C9orf153: variants seen among roughly 807,000 people sequenced by gnomAD.
The protein encoded by C9orf153 is chromosome 9 open reading frame 153.
C9orf153 carries 10 observed loss-of-function variants against 9.0 expected under a neutral mutation model. The ratio of observed to expected loss-of-function variants is 1.11; its 90% CI spans 0.69 to 1.89. C9orf153 has a LOEUF of 1.89. Ranked by LOEUF, C9orf153 falls within the 40% of genes most tolerant of loss-of-function variation. The pLI is 0.00. For synonymous variants in C9orf153, 35 were observed against 37.3 expected (o/e 0.94, Z 0.23); for missense variants, 108 against 111.0 (o/e 0.97, Z 0.12).
rs561417867 is a variant in C9orf153 at position 86,229,725 on chromosome 9, T to C, written c.-26-96A>G. 4 of 683,840 alleles carry C rather than the reference T, an allele frequency of 5.8e-6. No individual in the cohort carries two copies. In the South Asian group the frequency reaches 7.2e-5, roughly 12 times the overall value. 42.4% of individuals were successfully genotyped at this position (683,840 alleles called of 1,614,324 possible). On this transcript the variant is annotated intron_variant, in intron 1 of 3. Transcript: ENST00000339137. ...GAGACTTCTTAAATCTTAATAAATT[T>C]GTGAGTGGGACATTTTGAAAATTTT...
At chr9:86,227,339 AT>A in intron 3 of C9orf153, 1 of 1,517,544 alleles carries the variant, frequency 6.6e-7, no homozygotes. Flanking sequence ...TTATTTATTT[AT>A]TTATTTTTGG....
intron 2 of C9orf153, among the ~76,000 whole-genome samples, chr9:86,229,134 C>A (rs1436040814): frequency 1.3e-5 from 2 of 151,934 alleles, no homozygotes; most frequent in Non-Finnish European, 2.9e-5. Flanking sequence ...TGTGTTAGCA[C>A]TGATAGTCTT....
intron 1 of C9orf153, among the ~76,000 whole-genome samples, chr9:86,235,741 CAAAAAAAAAA>C (rs60165641): frequency 3.2e-4 from 7 of 22,052 alleles, no homozygotes; most frequent in South Asian, 3.8e-3. Context: ...GACTCCATCT[CAAAAAAAAAA>C]AAAAAAAAAA....
rs944440431 is a variant in C9orf153, at chr9:86,240,689, T to G, written c.-26-11060A>C. Among the ~76,000 whole-genome samples, 22 of 136,508 alleles carry G rather than the reference T, an allele frequency of 1.6e-4. 1 individual carries two copies. Among genetic ancestry groups the G allele is most frequent in the Non-Finnish European group, 3.2e-4 (21 of 66,348 alleles). The allele number at this position is 136,508 out of a possible 152,430, so 89.6% of individuals were successfully genotyped here. ...CACCGCAACCGCACTAATTTGCTTT[T>G]CTTTTCTTTTTCTTTTTCTTTTTTT... On this transcript the variant is annotated intron_variant, in intron 1 of 3. Coordinates refer to ENST00000339137, the MANE Select transcript of C9orf153 (RefSeq NM_001276366.4).
intron 1 of C9orf153, among the ~76,000 whole-genome samples, chr9:86,244,663 T>TA (rs1469614974): frequency 6.6e-6 from 1 of 152,222 alleles, no homozygotes; most frequent in East Asian, 1.9e-4. Flanking sequence ...AATGAATACT[T>TA]ATGAAGATCT....
intron 1 of C9orf153, among the ~76,000 whole-genome samples, chr9:86,241,311 G>A (rs1824738634): frequency 6.6e-6 from 1 of 152,096 alleles, no homozygotes; most frequent in Admixed American, 6.5e-5. Context: ...AGAGAACTGG[G>A]GCTGCATGTT....
intron 1 of C9orf153, among the ~76,000 whole-genome samples, chr9:86,242,868 G>A (rs1308083458): frequency 3.3e-5 from 5 of 151,986 alleles, no homozygotes; most frequent in African/African-American, 4.8e-5. Context: ...TAGTAGAGAC[G>A]GGGTTTCACC....
At chr9:86,236,587 C>A (rs1824598235) in intron 1 of C9orf153, among the ~76,000 whole-genome samples, 1 of 149,758 alleles carries the variant, frequency 6.7e-6, no homozygotes, top group South Asian at 2.1e-4. Flanking sequence ...AATAGAGGTG[C>A]TTTCTCAGGA....
chr9:86,244,119 G>A (rs1446347826), intron 1 of C9orf153, among the ~76,000 whole-genome samples: 1 of 152,190 alleles, frequency 6.6e-6, no homozygotes, highest in Non-Finnish European at 1.5e-5. Flanking sequence ...AAAACAGAAT[G>A]AAAAGTATCT....
intron 3 of C9orf153, among the ~76,000 whole-genome samples, chr9:86,222,823 G>A (rs561085605): frequency 2.6e-5 from 4 of 152,266 alleles, no homozygotes; most frequent in African/African-American, 9.6e-5. Context: ...GTCTATTTCT[G>A]GTGGGTGACC....
chr9:86,243,553 C>T lies in C9orf153; in HGVS notation c.-26-13924G>A, dbSNP rs972006646. ...CGATCTCGGCTCACCGCAACCTCTGCCTCCCAGGTTCAAGCGATTCTCCTG... is the reference window on the plus strand; with the variant it reads ...CGATCTCGGCTCACCGCAACCTCTGTCTCCCAGGTTCAAGCGATTCTCCTG... On this transcript the variant is annotated intron_variant, in intron 1 of 3. Transcript: ENST00000339137. Among the ~76,000 whole-genome samples, 6 of 151,654 alleles carry T rather than the reference C, an allele frequency of 4.0e-5. No individual in the cohort carries two copies. In the East Asian group the frequency reaches 1.2e-3, roughly 29 times the overall value.
chr9:86,233,046 C>T (rs1284235890), intron 1 of C9orf153, among the ~76,000 whole-genome samples: 1 of 152,090 alleles, frequency 6.6e-6, no homozygotes, highest in East Asian at 1.9e-4. Flanking sequence ...CCTCATAACT[C>T]TTGTGGAATA....
intron 1 of C9orf153, among the ~76,000 whole-genome samples, chr9:86,248,134 G>GTTTGTT (rs1165817072): frequency 1.3e-5 from 2 of 151,916 alleles, no homozygotes; most frequent in Non-Finnish European, 2.9e-5. Flanking sequence ...TTTTGTTTTT[G>GTTTGTT]TTTGTTTTTG....
At chr9:86,257,871 G>C (rs181847198) in intron 1 of C9orf153, among the ~76,000 whole-genome samples, 2 of 152,158 alleles carry the variant, frequency 1.3e-5, no homozygotes, top group African/African-American at 4.8e-5. Flanking sequence ...ACAGTGTCCT[G>C]TCACGATGGC....
At chr9:86,253,061 A>G (rs1273520939) in intron 1 of C9orf153, among the ~76,000 whole-genome samples, 2 of 152,028 alleles carry the variant, frequency 1.3e-5, no homozygotes, top group African/African-American at 4.8e-5. Flanking sequence ...TACCTTTCTC[A>G]CCACCTGATT....
At chr9:86,234,181 A>C (rs1286734084) in intron 1 of C9orf153, among the ~76,000 whole-genome samples, 2 of 152,164 alleles carry the variant, frequency 1.3e-5, no homozygotes, top group Non-Finnish European at 2.9e-5. Context: ...TTTCTGAAAA[A>C]ATCTTCTGCG....
rs1431211736 is a variant in C9orf153, at chr9:86,254,233, C to T, written c.-27+5317G>A. The stretch of plus-strand genomic sequence containing the variant: ...CTGTAGTACACTTGTTAGATTCTTA[C>T]CTTGTCCATTGTTTTTGCGTTTTTA... On this transcript the variant is annotated intron_variant, in intron 1 of 3. Coordinates refer to ENST00000339137, the MANE Select transcript of C9orf153 (RefSeq NM_001276366.4). 2.0e-5 allele frequency among the ~76,000 whole-genome samples: 3 copies of T among 152,016 alleles called. No individual in the cohort carries two copies. The South Asian group carries it at 6.2e-4, about 31-fold the overall frequency.
intron 1 of C9orf153, among the ~76,000 whole-genome samples, chr9:86,248,912 A>T (rs1054770037): frequency 9.2e-5 from 14 of 152,024 alleles, no homozygotes; most frequent in Non-Finnish European, 1.8e-4. Flanking sequence ...CTGAGGTGTA[A>T]TCTCATCTGG....
intron 3 of C9orf153, among the ~76,000 whole-genome samples, chr9:86,223,404 G>T (rs892191839): frequency 1.3e-5 from 2 of 152,142 alleles, no homozygotes; most frequent in African/African-American, 4.8e-5. Context: ...GGAGGCGGAG[G>T]TTGCAGTGAG....
Sources: allele counts gnomAD v4.1 joint callset (sites outside exome capture counted in the v4.1 genomes callset), GRCh38; gene constraint gnomAD v4.1.1; transcripts MANE v1.5; gene names NCBI Gene and HGNC (gene_info 2026-07-23, HGNC 2026-07-21).